The following INPP4A variants were observed in gnomAD, a reference collection of about 807,000 sequenced individuals.
INPP4A encodes inositol polyphosphate-4-phosphatase, type I, 107kD.
INPP4A carries 33 observed loss-of-function variants against 119.8 expected under a neutral mutation model. That is an observed-to-expected ratio of 0.28 (90% CI 0.21 to 0.37). The LOEUF (loss-of-function observed/expected upper bound fraction) is 0.37, where lower values mean the gene tolerates loss of function less well. INPP4A is among the 10% of genes least tolerant of loss of function. The probability of loss-of-function intolerance (pLI) is 1.00; values close to 1 mark genes in which losing one functional copy is unlikely to be tolerated. For missense variants in INPP4A, 956 were observed against 1,289.9 expected (o/e 0.74, Z 3.97); for synonymous variants, 496 against 500.7 (o/e 0.99, Z 0.12).
chr2:98,546,505 A>G lies in INPP4A; in HGVS notation c.1055-81A>G, dbSNP rs1692513192. On this transcript the variant is annotated intron_variant, in intron 12 of 24. Coordinates refer to ENST00000409851, the MANE Select transcript of INPP4A (RefSeq NM_001134225.2). The surrounding 1 kb of genome is among the most constrained non-coding windows in gnomAD (Gnocchi z 4.2). ...CAGTGGGCTGGAGGGTCAGGACCCC[A>G]GACTTGTGTGCATATCCCTATAGCT... 1.1e-6 allele frequency: 1 copy of G among 950,440 alleles called. No homozygotes were observed. The highest frequency in any genetic ancestry group is 1.6e-5 in the African/African-American group (1 of 61,348). 58.9% of individuals were successfully genotyped at this position (950,440 alleles called of 1,614,324 possible). A position where few individuals can be genotyped will look rare whatever the true frequency, so the allele number is the denominator to read the frequency against.
At chr2:98,490,406 G>T (rs527270762) in intron 1 of INPP4A, among the ~76,000 whole-genome samples, 4 of 152,138 alleles carry the variant, frequency 2.6e-5, no homozygotes, top group Admixed American at 2.6e-4. Flanking sequence ...AAGGCATCTT[G>T]TGTGAAGACG....
intron 23 of INPP4A, among the ~76,000 whole-genome samples, chr2:98,575,463 A>C (rs566879255): frequency 6.6e-6 from 1 of 152,250 alleles, no homozygotes; most frequent in African/African-American, 2.4e-5. Flanking sequence ...TTTGTCAGTT[A>C]CAACTTTACA....
chr2:98,551,922 C>T (rs1192332715), intron 13 of INPP4A, among the ~76,000 whole-genome samples: 1 of 152,168 alleles, frequency 6.6e-6, no homozygotes, highest in East Asian at 1.9e-4. Context: ...AATTTATCAT[C>T]ACCGTTTAGT....
At chr2:98,452,026 A>G (rs113499526) in intron 1 of INPP4A, among the ~76,000 whole-genome samples, 1,582 of 152,258 alleles carry the variant, frequency 0.01, 45 homozygotes, top group African/African-American at 0.036. Context: ...CTGTCCAGCC[A>G]TCACTGCCGG....
At chr2:98,457,046 T>A (rs1696256944) in intron 1 of INPP4A, among the ~76,000 whole-genome samples, 1 of 152,158 alleles carries the variant, frequency 6.6e-6, no homozygotes, top group African/African-American at 2.4e-5. Flanking sequence ...CCAACTTGCA[T>A]GGTAAGGAGC....
chr2:98,503,077 A>G (rs1683424258), intron 1 of INPP4A, among the ~76,000 whole-genome samples: 3 of 152,140 alleles, frequency 2.0e-5, no homozygotes, highest in Admixed American at 2.0e-4. Context: ...TTGCCTGTTC[A>G]TGTGGTGGTG....
chr2:98,517,667 G>A (rs1007481293), intron 1 of INPP4A, among the ~76,000 whole-genome samples: 13 of 152,208 alleles, frequency 8.5e-5, no homozygotes, highest in Non-Finnish European at 1.8e-4. Context: ...ATAATAGTGT[G>A]TCTTATGGAT....
intron 4 of INPP4A, 90 bp downstream of exon 4, chr2:98,520,821 CAGAG>C (rs1687039090): frequency 4.2e-6 from 3 of 709,650 alleles, no homozygotes; most frequent in African/African-American, 3.6e-5. Context: ...GGGCTTGTCT[CAGAG>C]AGCTTGCTGC....
At chr2:98,487,641 C>T (rs1679830635) in intron 1 of INPP4A, among the ~76,000 whole-genome samples, 1 of 152,160 alleles carries the variant, frequency 6.6e-6, no homozygotes, top group African/African-American at 2.4e-5. Context: ...AGACAATTCT[C>T]TGTTTTATTT....
chr2:98,475,869 G>A (rs1677100875), intron 1 of INPP4A, among the ~76,000 whole-genome samples: 1 of 152,202 alleles, frequency 6.6e-6, no homozygotes. Context: ...AAATAACAGT[G>A]TGGAATGCTG....
At chr2:98,462,955 C>G (rs1399521256) in intron 1 of INPP4A, among the ~76,000 whole-genome samples, 1 of 152,202 alleles carries the variant, frequency 6.6e-6, no homozygotes, top group Non-Finnish European at 1.5e-5. Flanking sequence ...CATTCTCCTG[C>G]CTCAGCCTCC....
rs200183771 is a variant in INPP4A at position 98,587,716 on chromosome 2, GT to G, written c.*115del. On this transcript the variant is annotated 3_prime_UTR_variant, in exon 25 of 25. Coordinates refer to ENST00000409851, the MANE Select transcript of INPP4A (RefSeq NM_001134225.2). ...GAAGGATTGGTTTTTATTTTTTGTG[GT>G]TTTTTTAAAAAAAACATTTCACTAA... The G allele has an allele frequency of 1.5e-5, 15 of 983,282 alleles. No individual in the cohort carries two copies. In the Admixed American group the frequency reaches 4.1e-4, roughly 27 times the overall value. 60.9% of individuals were successfully genotyped at this position (983,282 alleles called of 1,614,324 possible).
chr2:98,465,374 T>G (rs1357323427), intron 1 of INPP4A, among the ~76,000 whole-genome samples: 1 of 152,250 alleles, frequency 6.6e-6, no homozygotes, highest in Non-Finnish European at 1.5e-5. Flanking sequence ...CGAAATCTCC[T>G]GCCTTCATAT....
intron 1 of INPP4A, among the ~76,000 whole-genome samples, chr2:98,514,853 A>C (rs1685797561): frequency 6.6e-6 from 1 of 152,058 alleles, no homozygotes; most frequent in African/African-American, 2.4e-5. Context: ...CAGGAGTTTG[A>C]GGCTACAATA....
intron 1 of INPP4A, among the ~76,000 whole-genome samples, chr2:98,516,038 C>T (rs1686064412): frequency 6.6e-6 from 1 of 152,152 alleles, no homozygotes; most frequent in Non-Finnish European, 1.5e-5. Context: ...ATTCCAGCCC[C>T]CTAGACAGCT....
intron 1 of INPP4A, among the ~76,000 whole-genome samples, chr2:98,474,173 A>G (rs879516797): frequency 6.6e-6 from 1 of 152,176 alleles, no homozygotes; most frequent in Admixed American, 6.5e-5. Flanking sequence ...TCAGCCTCCC[A>G]TTCTTTCCCT....
At position 98,554,400 on chromosome 2, in the gene INPP4A, C is replaced by T. The variant is rs1226713108; in HGVS notation, c.1477C>T (p.Leu493Phe). 3 of 1,613,880 alleles carry T rather than the reference C, an allele frequency of 1.9e-6. No homozygotes were observed. Among genetic ancestry groups the T allele is most frequent in the Non-Finnish European group, 2.5e-6 (3 of 1,179,836 alleles). The part of the protein sequence containing the change: ...PTSTEEEQVM[L>F]RNDQDTLMAR... ...TTCGACTGAGGAGGAGCAGGTGATG[C>T]TTAGAAATGACCAGGACACCCTCAT... The change falls in exon 15 of 25, where the codon CTT (leucine) becomes TTT (phenylalanine). Residue 493 changes from leucine to phenylalanine, a missense_variant. This residue lies in a region of INPP4A where 652 missense variants were observed against 797.9 expected (regional missense o/e 0.82). Transcript: ENST00000409851. The surrounding 1 kb of genome is among the most constrained non-coding windows in gnomAD (Gnocchi z 4.7).
chr2:98,542,491 G>A (rs113495194), intron 10 of INPP4A, among the ~76,000 whole-genome samples: 1,742 of 152,054 alleles, frequency 0.011, 40 homozygotes, highest in African/African-American at 0.04. Context: ...TCTACTTCCC[G>A]GAAGCAACCA....
chr2:98,481,999 A>G (rs1309649986), intron 1 of INPP4A, among the ~76,000 whole-genome samples: 2 of 152,204 alleles, frequency 1.3e-5, no homozygotes, highest in Non-Finnish European at 2.9e-5. Flanking sequence ...AAAAGCTCCA[A>G]GTTTAGGCTC....
Sources: allele counts gnomAD v4.1 joint callset (sites outside exome capture counted in the v4.1 genomes callset), GRCh38; gene constraint gnomAD v4.1.1; regional missense constraint gnomAD v4.1.1; non-coding constraint Gnocchi (gnomAD v3.1); transcripts MANE v1.5; gene names NCBI Gene and HGNC (gene_info 2026-07-23, HGNC 2026-07-21).